TANC2: variants seen among roughly 807,000 people sequenced by gnomAD.
TANC2 encodes tetratricopeptide repeat, ankyrin repeat and coiled-coil containing 2.
TANC2 carries 26 observed loss-of-function variants against 210.5 expected under a neutral mutation model. The observed-to-expected ratio is 0.12, with a 90% CI of 0.09 to 0.17. TANC2 has a LOEUF of 0.17. TANC2 is among the 10% of genes least tolerant of loss of function. TANC2 has a pLI of 1.00. For synonymous variants in TANC2, 931 were observed against 967.1 expected (o/e 0.96, Z 0.69); for missense variants, 2,129 against 2,608.9 (o/e 0.82, Z 4.01).
At chr17:63,272,222 C>G (rs1383639841) in intron 9 of TANC2, among the ~76,000 whole-genome samples, 1 of 152,100 alleles carries the variant, frequency 6.6e-6, no homozygotes, top group Non-Finnish European at 1.5e-5. Context: ...AGTCCTTTCC[C>G]TATTGCTTGT....
At chr17:63,354,665 T>C in intron 13 of TANC2, 118 bp from the exon 14 acceptor site, 1 of 1,331,910 alleles carries the variant, frequency 7.5e-7, no homozygotes, top group South Asian at 1.6e-5. Flanking sequence ...TACTTGATCA[T>C]GTTTCCCTGT....
At chr17:63,185,352 C>T (rs1007163446) in intron 5 of TANC2, among the ~76,000 whole-genome samples, 2 of 152,094 alleles carry the variant, frequency 1.3e-5, no homozygotes, top group African/African-American at 4.8e-5. Flanking sequence ...CTCGGCCTCC[C>T]AAAGTGCTGG....
At chr17:63,202,194 A>C (rs1285385002) in intron 7 of TANC2, among the ~76,000 whole-genome samples, 1 of 152,120 alleles carries the variant, frequency 6.6e-6, no homozygotes, top group Admixed American at 6.5e-5. Context: ...ATGCTAAAAA[A>C]ATTGCATTTC....
In TANC2 at chr17:63,418,597, GA is replaced by G. The variant is rs2048936160; in HGVS notation, c.4268+191del. Among the ~76,000 whole-genome samples the G allele has an allele frequency of 6.6e-6, 1 of 152,242 alleles. No homozygotes were observed. The highest frequency in any genetic ancestry group is 1.5e-5 in the Non-Finnish European group (1 of 68,044). ...AGATCAGCAAATCTGCTGGGCTGTG[GA>G]GGCCACGAATGTTTCACTTCGGGAG... On this transcript the variant is annotated intron_variant, in intron 27 of 27. Transcript: ENST00000689528. The surrounding 1 kb of genome is among the most constrained non-coding windows in gnomAD (Gnocchi z 4.6).
intron 2 of TANC2, among the ~76,000 whole-genome samples, chr17:63,017,629 C>T (rs1047783701): frequency 6.6e-6 from 1 of 152,086 alleles, no homozygotes; most frequent in African/African-American, 2.4e-5. Flanking sequence ...AATCATGTTA[C>T]TTTTATACTC....
intron 11 of TANC2, chr17:63,332,503 A>C (rs2045890727): frequency 2.4e-6 from 1 of 408,392 alleles, no homozygotes; most frequent in Non-Finnish European, 4.8e-6. Flanking sequence ...CCTCCTTTGC[A>C]ATCAGCCCCA....
chr17:63,367,281 C>A (rs1448954293), intron 14 of TANC2, among the ~76,000 whole-genome samples: 1 of 152,188 alleles, frequency 6.6e-6, no homozygotes, highest in African/African-American at 2.4e-5. Context: ...ACACTAAAGC[C>A]ATTATACTCT....
At chr17:63,395,673 C>A (rs966516677) in intron 17 of TANC2, 70 bp from the exon 18 acceptor site, 3 of 1,414,174 alleles carry the variant, frequency 2.1e-6, no homozygotes, top group Non-Finnish European at 2.9e-6. Context: ...TGTGCAGTGG[C>A]GGATGTGACT....
intron 8 of TANC2, among the ~76,000 whole-genome samples, chr17:63,252,530 C>T (rs2043080301): frequency 6.6e-6 from 1 of 151,908 alleles, no homozygotes; most frequent in South Asian, 2.1e-4. Flanking sequence ...ATCCCCACTA[C>T]CCCCACCCCA....
intron 8 of TANC2, among the ~76,000 whole-genome samples, chr17:63,244,365 T>G (rs1475449632): frequency 6.6e-6 from 1 of 152,222 alleles, no homozygotes; most frequent in Non-Finnish European, 1.5e-5. Context: ...TTTCATCCCA[T>G]TACCATTCTT....
At chr17:63,198,069 C>T (rs764548727) in intron 6 of TANC2, among the ~76,000 whole-genome samples, 17 of 152,280 alleles carry the variant, frequency 1.1e-4, no homozygotes, top group Middle Eastern at 3.4e-3. Flanking sequence ...TTGGGCTTAA[C>T]CTCCACATTG....
intron 4 of TANC2, among the ~76,000 whole-genome samples, chr17:63,105,372 C>G (rs561317828): frequency 6.6e-6 from 1 of 151,860 alleles, no homozygotes; most frequent in South Asian, 2.1e-4. Flanking sequence ...GAAACATTTA[C>G]TTGTTCCAGA....
chr17:63,257,638 G>A (rs2043234694), intron 8 of TANC2, among the ~76,000 whole-genome samples: 1 of 152,162 alleles, frequency 6.6e-6, no homozygotes. Context: ...GGGATTACAG[G>A]TGTGAGCCAC....
At chr17:63,260,511 C>T (rs772729509) in intron 8 of TANC2, among the ~76,000 whole-genome samples, 6 of 152,210 alleles carry the variant, frequency 3.9e-5, no homozygotes, top group Non-Finnish European at 7.3e-5. Flanking sequence ...CATCTGGGTG[C>T]GATGGCCCAC....
At chr17:63,318,925 C>T (rs1290678101) in intron 10 of TANC2, 32 bp from the exon 11 acceptor site, 2 of 1,610,818 alleles carry the variant, frequency 1.2e-6, no homozygotes, top group African/African-American at 1.3e-5. Flanking sequence ...TTATGATTAT[C>T]TGATGCAAAC....
chr17:63,142,428 CAG>C lies in TANC2; in HGVS notation c.323-8839_323-8838del, dbSNP rs531340483. On this transcript the variant is annotated intron_variant, in intron 4 of 27. Transcript: ENST00000689528. ...GCCCTTATAGTCCTTTACGTTTCTG[CAG>C]AGTCAATAGTGATGGCCCCATTTTT... is the stretch of plus-strand genomic sequence containing the variant. Among the ~76,000 whole-genome samples, 39 of 152,212 alleles carry C rather than the reference CAG, an allele frequency of 2.6e-4. 1 individual carries two copies. The South Asian group carries it at 5.8e-3, about 23-fold the overall frequency.
intron 8 of TANC2, among the ~76,000 whole-genome samples, chr17:63,267,395 A>G (rs1467736158): frequency 6.6e-6 from 1 of 152,044 alleles, no homozygotes; most frequent in African/African-American, 2.4e-5. Flanking sequence ...CAAATCTACC[A>G]TTATCTATTT....
intron 3 of TANC2, among the ~76,000 whole-genome samples, chr17:63,075,730 C>T (rs913998786): frequency 1.3e-5 from 2 of 151,946 alleles, no homozygotes; most frequent in Non-Finnish European, 2.9e-5. Context: ...ATTGGCCAGG[C>T]TGGTCTCGGA....
At chr17:63,398,301 T>C (rs536458099) in intron 18 of TANC2, among the ~76,000 whole-genome samples, 2 of 152,070 alleles carry the variant, frequency 1.3e-5, no homozygotes, top group East Asian at 3.9e-4. Flanking sequence ...AAAAAAACTT[T>C]TTTAATTAGC....
Sources: gnomAD v4.1 joint callset for allele counts (sites outside exome capture counted in the v4.1 genomes callset) on GRCh38, gnomAD v4.1.1 for gene constraint, Gnocchi (gnomAD v3.1) non-coding constraint, MANE v1.5 for transcripts, NCBI Gene and HGNC (gene_info 2026-07-23, HGNC 2026-07-21) for gene names.